FEZ2: variants seen among roughly 807,000 people sequenced by gnomAD.
The protein encoded by FEZ2 is fasciculation and elongation protein zeta 2, also known as fasciculation and elongation protein zeta-2.
In FEZ2, 51 loss-of-function variants were observed where a neutral mutation model predicts 40.4. That is an observed-to-expected ratio of 1.26 (90% CI 1.01 to 1.59). The LOEUF is 1.59. Among genes scored for constraint, FEZ2 ranks in the 40% most tolerant of loss-of-function variants. FEZ2 has a pLI of 0.00. For missense variants in FEZ2, 640 were observed against 438.3 expected, an observed-to-expected ratio of 1.46 and a Z score of -4.11; for synonymous variants, 242 against 172.0, an observed-to-expected ratio of 1.41 and a Z score of -3.18.
At chr2:36,576,567 G>A (rs1037343310) in intron 5 of FEZ2, among the ~76,000 whole-genome samples, 5 of 152,162 alleles carry the variant, frequency 3.3e-5, no homozygotes, top group East Asian at 1.9e-4. Context: ...CACCGCGCCC[G>A]GCCGCATTTT....
rs1573022053 is a variant in FEZ2 at position 36,581,354 on chromosome 2, C to T, written c.570G>A (p.Arg190=). The change falls in exon 4 of 8, where the codon CGG becomes CGA. Residue 190 remains arginine (R), a synonymous_variant. Coordinates refer to ENST00000405912, the MANE Select transcript of FEZ2 (RefSeq NM_005102.3). ...EDDETPTQSD[R]LSMLSQEIQT... is the part of the protein sequence containing the mutation. ...GAATTTCCTGGGAAAGCATTGAAAG[C>T]CGATCTGACTGTGTAGGGGTTTCAT... The T allele has an allele frequency of 6.2e-7, 1 of 1,613,674 alleles. No homozygotes were observed. Among genetic ancestry groups the T allele is most frequent in the Non-Finnish European group, 8.5e-7 (1 of 1,179,610 alleles).
intron 3 of FEZ2, among the ~76,000 whole-genome samples, chr2:36,582,723 C>A (rs1245948522): frequency 6.6e-6 from 1 of 152,198 alleles, no homozygotes; most frequent in African/African-American, 2.4e-5. Context: ...CTGATCTCAT[C>A]TTTCCAGCCT....
chr2:36,595,504 T>C (rs938158249), intron 1 of FEZ2, among the ~76,000 whole-genome samples: 2 of 152,166 alleles, frequency 1.3e-5, no homozygotes, highest in African/African-American at 4.8e-5. Flanking sequence ...CAGGTGGTAA[T>C]GCAAGCAATG....
chr2:36,553,858 C>G (rs1667886950), intron 7 of FEZ2, among the ~76,000 whole-genome samples: 1 of 152,138 alleles, frequency 6.6e-6, no homozygotes, highest in Non-Finnish European at 1.5e-5. Flanking sequence ...AGCAATATCC[C>G]CCTCCCGGGC....
intron 2 of FEZ2, among the ~76,000 whole-genome samples, chr2:36,584,262 A>T (rs1044271032): frequency 1.1e-4 from 16 of 152,136 alleles, no homozygotes; most frequent in African/African-American, 3.4e-4. Context: ...TGATTAGCAG[A>T]CTTCTCCCAC....
chr2:36,585,897 TATC>T (rs1416468640), intron 2 of FEZ2, among the ~76,000 whole-genome samples: 1 of 152,154 alleles, frequency 6.6e-6, no homozygotes, highest in Admixed American at 6.5e-5. Context: ...GAGAAAATAA[TATC>T]AAGTAAAATG....
Position 36,553,079 on chromosome 2 carries a change from A to G in FEZ2, c.*84T>C. 8.7e-7 allele frequency: 1 copy of G among 1,143,878 alleles called. No homozygotes were observed. Among genetic ancestry groups the G allele is most frequent in the Non-Finnish European group, 1.3e-6 (1 of 783,464 alleles). 70.9% of individuals were successfully genotyped at this position (1,143,878 alleles called of 1,614,324 possible). A position where few individuals can be genotyped will look rare whatever the true frequency, so the allele number is the denominator to read the frequency against. On this transcript the variant is annotated 3_prime_UTR_variant, in exon 8 of 8. Coordinates refer to ENST00000405912, the MANE Select transcript of FEZ2 (RefSeq NM_005102.3). Reference sequence around the variant, plus strand: ...AGTTCAAATGTGCTGAGTTTCCAATAGCAAGAAGGGTAATGGTAGCCAGCT... The same window carrying G: ...AGTTCAAATGTGCTGAGTTTCCAATGGCAAGAAGGGTAATGGTAGCCAGCT...
Position 36,568,030 on chromosome 2 carries a change from G to A in FEZ2, c.904-9517C>T, listed in dbSNP as rs185989781. On this transcript the variant is annotated intron_variant, in intron 5 of 7. Coordinates refer to ENST00000405912, the MANE Select transcript of FEZ2 (RefSeq NM_005102.3). ...AGGTTAAATATACTTTTTAGTAAAC[G>A]TCACCTCATTTAGAAACACTACATT... 7.0e-4 allele frequency among the ~76,000 whole-genome samples: 106 copies of A among 152,260 alleles called. 1 individual carries two copies. Among genetic ancestry groups the A allele is most frequent in the African/African-American group, 2.0e-3 (81 of 41,536 alleles).
chr2:36,562,644 T>C (rs1219800528), intron 5 of FEZ2, among the ~76,000 whole-genome samples: 2 of 152,192 alleles, frequency 1.3e-5, no homozygotes, highest in African/African-American at 4.8e-5. Flanking sequence ...AGGAGGCTAG[T>C]TATAAAACAA....
chr2:36,590,279 A>G (rs971448093), intron 2 of FEZ2: 2 of 152,264 alleles, frequency 1.3e-5, no homozygotes, highest in African/African-American at 4.8e-5. Flanking sequence ...TACACTCATT[A>G]AAAAGTTAAC....
rs1277326417 is a variant in FEZ2, at chr2:36,578,765, T to C, written c.735A>G (p.Leu245=). 12 of 1,614,012 alleles carry C rather than the reference T, an allele frequency of 7.4e-6. No homozygotes were observed. The highest frequency in any genetic ancestry group is 1.1e-5 in the South Asian group (1 of 91,086). ...YSEELVQQLA[L]RDELEFEKEV... ...CCTTTTCAAACTCCAGTTCATCTCG[T>C]AAAGCCAACTGCTGCACCAGCTCCT... Residue 245 remains leucine (L), a synonymous_variant, in exon 5 of 8, where the codon TTA becomes TTG. Coordinates refer to ENST00000405912, the MANE Select transcript of FEZ2 (RefSeq NM_005102.3).
In FEZ2 at chr2:36,581,174, T is replaced by C. The variant is rs1668731010; in HGVS notation, c.634+116A>G. 9.9e-6 allele frequency: 10 copies of C among 1,013,058 alleles called. No individual in the cohort carries two copies. The South Asian group carries it at 1.7e-4, about 17-fold the overall frequency. 62.8% of individuals were successfully genotyped at this position (1,013,058 alleles called of 1,614,324 possible). A position where few individuals can be genotyped will look rare whatever the true frequency, so the allele number is the denominator to read the frequency against. On this transcript the variant is annotated intron_variant, in intron 4 of 7. Coordinates refer to ENST00000405912, the MANE Select transcript of FEZ2 (RefSeq NM_005102.3). Reference sequence around the variant, plus strand: ...AACAACAACAACAAAAATGTAAATTTGGACACAAACACAAACAGAAGGAGG... The same window carrying C: ...AACAACAACAACAAAAATGTAAATTCGGACACAAACACAAACAGAAGGAGG...
chr2:36,568,572 G>A (rs941513444), intron 5 of FEZ2, among the ~76,000 whole-genome samples: 3 of 152,118 alleles, frequency 2.0e-5, no homozygotes, highest in Non-Finnish European at 2.9e-5. Context: ...TTCCCACTAC[G>A]TCTTTAGGAA....
intron 5 of FEZ2, among the ~76,000 whole-genome samples, chr2:36,563,288 AAACT>A (rs938796986): frequency 1.3e-5 from 2 of 152,164 alleles, no homozygotes; most frequent in Admixed American, 6.5e-5. Flanking sequence ...TGGAAAAACA[AAACT>A]AACAGCTGAT....
intron 5 of FEZ2, among the ~76,000 whole-genome samples, chr2:36,565,491 G>A (rs1291472100): frequency 2.0e-5 from 3 of 152,022 alleles, no homozygotes; most frequent in Non-Finnish European, 4.4e-5. Context: ...ACCATAATGA[G>A]CAGCCTGCAT....
At chr2:36,563,130 C>A (rs1342251245) in intron 5 of FEZ2, among the ~76,000 whole-genome samples, 1 of 152,166 alleles carries the variant, frequency 6.6e-6, no homozygotes. Flanking sequence ...TTTAGGTTTT[C>A]TTTATTAAAT....
intron 1 of FEZ2, among the ~76,000 whole-genome samples, chr2:36,594,771 G>A (rs1013022562): frequency 6.6e-5 from 10 of 152,212 alleles, no homozygotes; most frequent in Admixed American, 5.2e-4. Flanking sequence ...TGAGGAGTTT[G>A]CTTTGTCTGC....
In FEZ2 at chr2:36,554,406, G is replaced by T. The variant is rs995923410; in HGVS notation, c.1046-1227C>A. 1.2e-5 allele frequency: 5 copies of T among 426,492 alleles called. No homozygotes were observed. In the Admixed American group the frequency reaches 1.5e-4, roughly 13 times the overall value. 26.4% of individuals were successfully genotyped at this position (426,492 alleles called of 1,614,324 possible). ...CATTCTATCTCTGGCCCTCATAGAGGCCTAGGAACCCGATATAATTAAAAT... is the reference window on the plus strand; with the variant it reads ...CATTCTATCTCTGGCCCTCATAGAGTCCTAGGAACCCGATATAATTAAAAT... On this transcript the variant is annotated intron_variant, in intron 7 of 7. Transcript: ENST00000405912.
At chr2:36,581,532 G>GAGCAGA in intron 3 of FEZ2, 101 bp from the exon 4 acceptor site, 1 of 992,894 alleles carries the variant, frequency 1.0e-6, no homozygotes, top group Non-Finnish European at 1.5e-6. Context: ...GAAATGCACT[G>GAGCAGA]AATTCTCCAT....
Sources: gnomAD v4.1 joint callset for allele counts (sites outside exome capture counted in the v4.1 genomes callset) on GRCh38, gnomAD v4.1.1 for gene constraint, MANE v1.5 for transcripts, NCBI Gene and HGNC (gene_info 2026-07-23, HGNC 2026-07-21) for gene names.